The following PTPRN2 variants were observed in gnomAD, a reference collection of about 807,000 sequenced individuals.
PTPRN2 encodes protein tyrosine phosphatase receptor type N2.
Under a neutral mutation model 118.8 loss-of-function variants are expected in PTPRN2, and 74 were observed. The observed-to-expected ratio is 0.62, with a 90% CI of 0.52 to 0.76. The LOEUF (loss-of-function observed/expected upper bound fraction) is 0.76. PTPRN2 is among the 30% of genes least tolerant of loss of function. PTPRN2 has a pLI of 0.00. For missense variants in PTPRN2, 1,481 were observed against 1,394.4 expected (o/e 1.06, Z -0.99); for synonymous variants, 641 against 608.0 (o/e 1.05, Z -0.80).
intron 1 of PTPRN2, among the ~76,000 whole-genome samples, chr7:158,510,410 C>A (rs1008366105): frequency 6.6e-6 from 1 of 150,982 alleles, no homozygotes; most frequent in South Asian, 2.1e-4. Flanking sequence ...TCGCACCCCA[C>A]AAAAACCTCA....
intron 9 of PTPRN2, among the ~76,000 whole-genome samples, chr7:158,124,465 G>A (rs963536639): frequency 1.3e-5 from 2 of 152,258 alleles, no homozygotes; most frequent in Non-Finnish European, 2.9e-5. Flanking sequence ...ACTATAGGCT[G>A]TACATCTGGT....
intron 11 of PTPRN2, among the ~76,000 whole-genome samples, chr7:157,962,377 C>T (rs1057260493): frequency 5.9e-5 from 9 of 152,166 alleles, no homozygotes; most frequent in East Asian, 1.9e-4. Flanking sequence ...TTCCCCTTCC[C>T]GTTTCCTGTT....
chr7:157,856,300 G>A (rs1014282624), intron 12 of PTPRN2, among the ~76,000 whole-genome samples: 2 of 152,200 alleles, frequency 1.3e-5, no homozygotes, highest in Non-Finnish European at 2.9e-5. Flanking sequence ...CATTTCACAC[G>A]GCAATGAAAC....
intron 12 of PTPRN2, among the ~76,000 whole-genome samples, chr7:157,705,917 C>A (rs1298370954): frequency 6.6e-6 from 1 of 152,032 alleles, no homozygotes; most frequent in African/African-American, 2.4e-5. Context: ...AAAGGCGGAC[C>A]ACATCCTTCC....
chr7:158,167,307 G>A lies in PTPRN2; in HGVS notation c.550-16C>T. ...GGTCATCACCCTGAAGGAAAGGAGA[G>A]CAAAACAGAGCAAGAGTCACATTTC... On this transcript the variant is annotated splice_polypyrimidine_tract_variant and intron_variant, in intron 5 of 22. Coordinates refer to ENST00000389418, the MANE Select transcript of PTPRN2 (RefSeq NM_002847.5). 8 of 1,563,340 alleles carry A rather than the reference G, an allele frequency of 5.1e-6. No individual in the cohort carries two copies. The highest frequency in any genetic ancestry group is 6.9e-6 in the Non-Finnish European group (8 of 1,155,518).
At chr7:158,458,162 C>T (rs888732479) in intron 2 of PTPRN2, among the ~76,000 whole-genome samples, 8 of 152,214 alleles carry the variant, frequency 5.3e-5, no homozygotes, top group Non-Finnish European at 1.0e-4. Flanking sequence ...ATCCCCCATC[C>T]TCCGAGCTTG....
chr7:157,904,255 T>A (rs1050972878), intron 11 of PTPRN2, among the ~76,000 whole-genome samples: 1 of 152,196 alleles, frequency 6.6e-6, no homozygotes, highest in Non-Finnish European at 1.5e-5. Flanking sequence ...ACCAGGATTC[T>A]CCTGATTTCT....
At chr7:158,307,037 T>C (rs1801358605) in intron 3 of PTPRN2, among the ~76,000 whole-genome samples, 1 of 152,084 alleles carries the variant, frequency 6.6e-6, no homozygotes, top group African/African-American at 2.4e-5. Flanking sequence ...CAGCTAATTT[T>C]TGTATTTTTA....
At position 157,576,649 on chromosome 7, in the gene PTPRN2, ACTC is replaced by A. The variant is rs1800063422; in HGVS notation, c.2744_2746del (p.Gly915del). The A allele has an allele frequency of 6.2e-7, 1 of 1,609,914 alleles. No individual in the cohort carries two copies. Among genetic ancestry groups the A allele is most frequent in the African/African-American group, 1.4e-5 (1 of 73,856 alleles). On this transcript the variant is annotated inframe_deletion, in exon 19 of 23. Coordinates refer to ENST00000389418, the MANE Select transcript of PTPRN2 (RefSeq NM_002847.5). ...CAGGAGGGACCTTGAGGAGGAAGGG[ACTC>A]CTCGGTCATACCAACTCAGGAAGTG...
In PTPRN2 at chr7:158,262,398, GCACA is replaced by G. The variant is rs141363725; in HGVS notation, c.277+54417_277+54420del. 6.9e-3 allele frequency among the ~76,000 whole-genome samples: 892 copies of G among 129,358 alleles called. 15 individuals are homozygous for G. Among genetic ancestry groups the G allele is most frequent in the Non-Finnish European group, 7.5e-3 (462 of 61,914 alleles). 84.9% of individuals were successfully genotyped at this position (129,358 alleles called of 152,430 possible). ...ACACATACACACATTCACACACACT[GCACA>G]CACACATACATACATTCACACACAT... On this transcript the variant is annotated intron_variant, in intron 3 of 22. Transcript: ENST00000389418.
intron 11 of PTPRN2, among the ~76,000 whole-genome samples, chr7:157,951,671 C>A (rs1353549251): frequency 6.6e-6 from 1 of 152,258 alleles, no homozygotes; most frequent in Non-Finnish European, 1.5e-5. Context: ...TCCGCTTCCG[C>A]AGTCTTCAGG....
chr7:158,100,604 TA>T (rs1244325394), intron 10 of PTPRN2, among the ~76,000 whole-genome samples: 3 of 152,120 alleles, frequency 2.0e-5, no homozygotes, highest in Non-Finnish European at 2.9e-5. Context: ...CTTGCAGGAG[TA>T]AGGTGGTATA....
intron 2 of PTPRN2, among the ~76,000 whole-genome samples, chr7:158,401,260 C>T (rs1346471184): frequency 6.6e-6 from 1 of 152,240 alleles, no homozygotes; most frequent in East Asian, 1.9e-4. Flanking sequence ...ATGGAGGCTC[C>T]ATCCCCTCGT....
At chr7:157,805,312 TGTGTGC>T (rs902217309) in intron 12 of PTPRN2, among the ~76,000 whole-genome samples, 72 of 150,366 alleles carry the variant, frequency 4.8e-4, no homozygotes, top group African/African-American at 1.8e-3. Flanking sequence ...TGTGTGTGTG[TGTGTGC>T]GTGTGCAAAT....
rs1810834975 is a variant in PTPRN2 at position 157,868,224 on chromosome 7, C to G, written c.1788+30449G>C. Reference sequence around the variant, plus strand: ...CGACAGCCCAGTGGTGCACCTACAACTGCTTCCCATCGAGGTGGTGGGCTG... The same window carrying G: ...CGACAGCCCAGTGGTGCACCTACAAGTGCTTCCCATCGAGGTGGTGGGCTG... On this transcript the variant is annotated intron_variant, in intron 12 of 22. Transcript: ENST00000389418. This position sits in a 1 kb window ranked among gnomAD's most constrained non-coding sequence, Gnocchi z 5.2. Among the ~76,000 whole-genome samples the G allele has an allele frequency of 6.6e-6, 1 of 152,250 alleles. No individual in the cohort carries two copies. The highest frequency in any genetic ancestry group is 2.1e-4 in the South Asian group (1 of 4,838).
intron 20 of PTPRN2, 64 bp from the exon 21 acceptor site, chr7:157,569,030 G>A: frequency 2.1e-6 from 3 of 1,436,582 alleles, no homozygotes; most frequent in Admixed American, 3.4e-5. Flanking sequence ...CCACAACAAA[G>A]CTAGTGACAG....
intron 14 of PTPRN2, among the ~76,000 whole-genome samples, chr7:157,651,640 G>C (rs1203243220): frequency 6.6e-6 from 1 of 152,202 alleles, no homozygotes; most frequent in Non-Finnish European, 1.5e-5. Flanking sequence ...CCTTCTGAAA[G>C]CAAAGTGATA....
At chr7:158,123,403 C>G (rs763824825) in intron 9 of PTPRN2, among the ~76,000 whole-genome samples, 1 of 152,166 alleles carries the variant, frequency 6.6e-6, no homozygotes, top group African/African-American at 2.4e-5. Context: ...TGGTGACCGA[C>G]GCCGCAGTGA....
chr7:157,558,748 C>T (rs1213638694), intron 21 of PTPRN2, among the ~76,000 whole-genome samples: 1 of 152,236 alleles, frequency 6.6e-6, no homozygotes, highest in Non-Finnish European at 1.5e-5. Context: ...GGCAGGATCC[C>T]TCCTGCAGGT....
Sources: gnomAD v4.1 joint callset for allele counts (sites outside exome capture counted in the v4.1 genomes callset) on GRCh38, gnomAD v4.1.1 for gene constraint, Gnocchi (gnomAD v3.1) non-coding constraint, MANE v1.5 for transcripts, NCBI Gene and HGNC (gene_info 2026-07-23, HGNC 2026-07-21) for gene names.